Variants in ALLC observed in about 807,000 individuals in gnomAD.
ALLC encodes probable inactive allantoicase.
Under a neutral mutation model 45.0 loss-of-function variants are expected in ALLC, and 40 were observed. The observed-to-expected ratio is 0.89, with a 90% confidence interval of 0.69 to 1.16. ALLC has a LOEUF of 1.16. Among genes scored for constraint, ALLC ranks in the 50% most tolerant of loss-of-function variants. The pLI, the probability that ALLC is intolerant of heterozygous loss-of-function variation, is 0.00. For missense variants in ALLC, 488 were observed against 493.1 expected (o/e 0.99, Z 0.10); for synonymous variants, 176 against 178.1 (o/e 0.99, Z 0.09).
the ALLC span, among the ~76,000 whole-genome samples, chr2:3,651,440 TGTTAGGAA>T: frequency 1.8e-5 from 1 of 55,468 alleles, no homozygotes; most frequent in Non-Finnish European, 4.0e-5. Flanking sequence ...TGTGTGTGTG[TGTTAGGAA>T]GGGAGACGAG....
intron 3 of ALLC, among the ~76,000 whole-genome samples, chr2:3,675,595 TATATAC>T (rs1558538754): frequency 6.6e-6 from 1 of 150,952 alleles, no homozygotes; most frequent in African/African-American, 2.5e-5. Flanking sequence ...TATATATATA[TATATAC>T]ACACACACAC....
chr2:3,684,186 C>T (rs549028382), intron 7 of ALLC, among the ~76,000 whole-genome samples: 2 of 152,098 alleles, frequency 1.3e-5, no homozygotes, highest in African/African-American at 4.8e-5. Flanking sequence ...GAAAGTGCTG[C>T]ACTATTTTAC....
intron 5 of ALLC, among the ~76,000 whole-genome samples, chr2:3,681,191 T>C (rs1667168935): frequency 2.0e-5 from 3 of 152,148 alleles, no homozygotes; most frequent in Middle Eastern, 3.4e-3. Flanking sequence ...AAAGCGGAAA[T>C]GACCAGTGAC....
intron 7 of ALLC, among the ~76,000 whole-genome samples, chr2:3,684,632 T>C (rs538236264): frequency 1.3e-5 from 2 of 152,288 alleles, no homozygotes; most frequent in East Asian, 1.9e-4. Flanking sequence ...CTCCCACTTA[T>C]AACTGAGAAC....
intron 4 of ALLC, among the ~76,000 whole-genome samples, chr2:3,678,888 C>T (rs1490756857): frequency 6.6e-6 from 1 of 152,204 alleles, no homozygotes; most frequent in Admixed American, 6.5e-5. Flanking sequence ...GTCCTTACTA[C>T]AGTCCTCTGG....
intron 10 of ALLC, among the ~76,000 whole-genome samples, chr2:3,700,367 G>C (rs1168601007): frequency 6.6e-6 from 1 of 152,036 alleles, no homozygotes; most frequent in Non-Finnish European, 1.5e-5. Context: ...TGGCAGTTCT[G>C]GATTTTCTTG....
chr2:3,683,587 C>A (rs1367368122), intron 7 of ALLC, among the ~76,000 whole-genome samples: 1 of 152,122 alleles, frequency 6.6e-6, no homozygotes, highest in Admixed American at 6.5e-5. Context: ...CACTAATTTG[C>A]TTTTTGTCTT....
rs149373291 is a variant in ALLC, at chr2:3,691,429, T to G, written c.512-4288T>G. On this transcript the variant is annotated intron_variant, in intron 7 of 11. Coordinates refer to ENST00000252505, the MANE Select transcript of ALLC (RefSeq NM_018436.4). ...CCACCATGCCTGGCTAATTTTTGTA[T>G]TTGTTTTTTTTTTTGTAGAAATGGG... 3.0e-3 allele frequency among the ~76,000 whole-genome samples: 449 copies of G among 151,994 alleles called. 2 individuals are homozygous for G. The highest frequency in any genetic ancestry group is 0.01 in the African/African-American group (433 of 41,476).
intron 7 of ALLC, among the ~76,000 whole-genome samples, chr2:3,692,365 G>A (rs1052590086): frequency 6.6e-6 from 1 of 152,166 alleles, no homozygotes; most frequent in Non-Finnish European, 1.5e-5. Context: ...TAGCTGATGA[G>A]CCAAAAAAAT....
rs141495700 is a variant in ALLC, at chr2:3,682,711, C to G, written c.379-231C>G. On this transcript the variant is annotated intron_variant, in intron 6 of 11. Transcript: ENST00000252505. ...CGGCTAATTTTTTGTATTTCTAGTA[C>G]AGACGGGGTTTCACCGTGTTAGCCA... Among the ~76,000 whole-genome samples the G allele has an allele frequency of 0.046, 6,995 of 152,108 alleles. 236 individuals carry two copies. The highest frequency in any genetic ancestry group is 0.075 in the Non-Finnish European group (5,116 of 67,956).
At chr2:3,698,472 C>T (rs1420570948) in intron 10 of ALLC, among the ~76,000 whole-genome samples, 1 of 152,204 alleles carries the variant, frequency 6.6e-6, no homozygotes, top group Non-Finnish European at 1.5e-5. Flanking sequence ...AGGGGAGTGA[C>T]CATTTCTTCC....
At chr2:3,649,537 G>A in the ALLC span, among the ~76,000 whole-genome samples, 1 of 152,144 alleles carries the variant, frequency 6.6e-6, no homozygotes. Context: ...CACCGCGCCC[G>A]GCCCCCAAAC....
At chr2:3,701,127 A>C (rs1350324886) in intron 10 of ALLC, among the ~76,000 whole-genome samples, 1 of 152,254 alleles carries the variant, frequency 6.6e-6, no homozygotes, top group Non-Finnish European at 1.5e-5. Context: ...GTCATAGGAA[A>C]ATATTTTCCA....
chr2:3,685,153 G>A (rs1392572496), intron 7 of ALLC, among the ~76,000 whole-genome samples: 4 of 152,116 alleles, frequency 2.6e-5, no homozygotes, highest in African/African-American at 7.2e-5. Context: ...GTTTTCCATA[G>A]TGAGTGTACT....
chr2:3,701,509 C>G lies in ALLC; in HGVS notation c.851-3C>G. On this transcript the variant is annotated splice_region_variant and splice_polypyrimidine_tract_variant and intron_variant, in intron 10 of 11. Transcript: ENST00000252505. ...AAAATCACGCTGTGTTTTGCTCCAA[C>G]AGGCAATGCTCCTGACAGCTGTAAA... 1 of 1,587,124 alleles carries G rather than the reference C, an allele frequency of 6.3e-7. No individual in the cohort carries two copies. The highest frequency in any genetic ancestry group is 8.6e-7 in the Non-Finnish European group (1 of 1,164,626).
At chr2:3,656,552 G>C (rs1372533138), upstream of ALLC, among the ~76,000 whole-genome samples, 1 of 152,240 alleles carries the variant, frequency 6.6e-6, no homozygotes, top group African/African-American at 2.4e-5. Context: ...CGTTAGAGAA[G>C]TATTGAATTT....
rs368478181 is a variant in ALLC, at chr2:3,695,720, G to A, written c.515G>A (p.Gly172Asp). 21 of 1,613,986 alleles carry A rather than the reference G, an allele frequency of 1.3e-5. No individual in the cohort carries two copies. The East Asian group carries it at 1.6e-4, about 12-fold the overall frequency. ...THIRLNIFPD[G>D]GIARLRVFGT... ...CTAAGGCACCTTTCCTTTTCAGATG[G>A]TGGAATTGCACGACTTAGAGTATTC... is the stretch of plus-strand genomic sequence containing the variant. Residue 172 changes from glycine to aspartate, a missense_variant, in exon 8 of 12, where the codon GGT (glycine) becomes GAT (aspartate). Coordinates refer to ENST00000252505, the MANE Select transcript of ALLC (RefSeq NM_018436.4).
At chr2:3,655,304 G>A (rs1666415471), upstream of ALLC, among the ~76,000 whole-genome samples, 1 of 152,252 alleles carries the variant, frequency 6.6e-6, no homozygotes, top group South Asian at 2.1e-4. Flanking sequence ...CCCACATTCG[G>A]GGAGAAGAAT....
intron 7 of ALLC, among the ~76,000 whole-genome samples, chr2:3,691,826 G>A (rs987190736): frequency 1.3e-5 from 2 of 151,654 alleles, no homozygotes; most frequent in African/African-American, 4.9e-5. Context: ...TCTCCTCTGT[G>A]TATTTTTAAA....
Sources: allele counts gnomAD v4.1 joint callset (sites outside exome capture counted in the v4.1 genomes callset), GRCh38; gene constraint gnomAD v4.1.1; transcripts MANE v1.5; gene names NCBI Gene and HGNC (gene_info 2026-07-23, HGNC 2026-07-21).